Variants in PPARGC1A observed in about 807,000 individuals in gnomAD.
PPARGC1A encodes PPARG coactivator 1 alpha, also known as peroxisome proliferator-activated receptor gamma coactivator 1-alpha.
A neutral mutation model predicts 88.7 loss-of-function variants in PPARGC1A; 25 were observed. That is an observed-to-expected ratio of 0.28 (90% CI 0.21 to 0.39). The LOEUF (loss-of-function observed/expected upper bound fraction) is 0.39, where lower values mean the gene tolerates loss of function less well. Among genes scored for constraint, PPARGC1A ranks in the 10% least tolerant of loss-of-function variants. PPARGC1A has a pLI of 1.00. For synonymous variants in PPARGC1A, 363 were observed against 355.6 expected, an observed-to-expected ratio of 1.02 and a Z score of -0.24; for missense variants, 880 against 968.7, an observed-to-expected ratio of 0.91 and a Z score of 1.22.
the PPARGC1A span, among the ~76,000 whole-genome samples, chr4:24,304,807 A>G: frequency 6.6e-6 from 1 of 152,200 alleles, no homozygotes; most frequent in Non-Finnish European, 1.5e-5. Context: ...TAAGGAAGGT[A>G]TATATCTTAT....
chr4:24,187,906 T>C, the PPARGC1A span, among the ~76,000 whole-genome samples: 107 of 152,364 alleles, frequency 7.0e-4, 1 homozygote, highest in Admixed American at 3.7e-3. Context: ...GGATCTGATT[T>C]AGATATAGGA....
At chr4:24,424,118 G>T in the PPARGC1A span, among the ~76,000 whole-genome samples, 1 of 151,942 alleles carries the variant, frequency 6.6e-6, no homozygotes, top group African/African-American at 2.4e-5. Flanking sequence ...AAAATGTTTT[G>T]TAGAGTACGT....
intron 10 of PPARGC1A, among the ~76,000 whole-genome samples, chr4:23,811,769 A>G: frequency 6.6e-6 from 1 of 152,152 alleles, no homozygotes. Flanking sequence ...TGTCAAGTTA[A>G]TATAATACCC....
At chr4:24,197,039 G>A in the PPARGC1A span, among the ~76,000 whole-genome samples, 1 of 152,156 alleles carries the variant, frequency 6.6e-6, no homozygotes. Flanking sequence ...ACGGTGAAAG[G>A]TGCCTAGTCA....
chr4:24,321,524 G>A, the PPARGC1A span, among the ~76,000 whole-genome samples: 1 of 152,166 alleles, frequency 6.6e-6, no homozygotes, highest in African/African-American at 2.4e-5. Flanking sequence ...AGCAAAAAAG[G>A]ATGATACAAG....
the PPARGC1A span, among the ~76,000 whole-genome samples, chr4:24,000,742 G>T: frequency 3.3e-5 from 5 of 152,154 alleles, no homozygotes; most frequent in Admixed American, 1.3e-4. Context: ...CAGAAAGACT[G>T]CAGGATTTGA....
chr4:24,393,175 G>T, the PPARGC1A span, among the ~76,000 whole-genome samples: 1 of 152,098 alleles, frequency 6.6e-6, no homozygotes, highest in Non-Finnish European at 1.5e-5. Context: ...GTGCTACAAA[G>T]GCCTCAGTAA....
At chr4:24,243,142 C>T in the PPARGC1A span, among the ~76,000 whole-genome samples, 1 of 152,166 alleles carries the variant, frequency 6.6e-6, no homozygotes, top group African/African-American at 2.4e-5. Flanking sequence ...ACCTGGTTCA[C>T]CAGAACTGCT....
chr4:24,207,729 C>T, the PPARGC1A span, among the ~76,000 whole-genome samples: 1 of 152,146 alleles, frequency 6.6e-6, no homozygotes, highest in Non-Finnish European at 1.5e-5. Context: ...AGCCTCAAAA[C>T]TTATTGTTTT....
At chr4:24,079,453 G>A in the PPARGC1A span, among the ~76,000 whole-genome samples, 1 of 148,776 alleles carries the variant, frequency 6.7e-6, no homozygotes, top group Non-Finnish European at 1.5e-5. Context: ...TGTTTTCCTA[G>A]TGAAATGTGA....
chr4:23,940,305 A>G, the PPARGC1A span, among the ~76,000 whole-genome samples: 1 of 152,200 alleles, frequency 6.6e-6, no homozygotes, highest in African/African-American at 2.4e-5. Context: ...TATAACAGAG[A>G]ACTGTGGAAG....
At chr4:24,387,854 G>A in the PPARGC1A span, among the ~76,000 whole-genome samples, 51 of 129,768 alleles carry the variant, frequency 3.9e-4, no homozygotes, top group African/African-American at 1.1e-3. Flanking sequence ...GAGAGAAAGA[G>A]AGAAAGAGAG....
chr4:23,804,675 G>A (rs564140920), intron 10 of PPARGC1A, among the ~76,000 whole-genome samples: 9 of 152,110 alleles, frequency 5.9e-5, no homozygotes, highest in African/African-American at 1.4e-4. Context: ...CTCTTATATC[G>A]CATTCTTTCT....
At chr4:23,928,771 A>C in the PPARGC1A span, among the ~76,000 whole-genome samples, 371 of 2,298 alleles carry the variant, frequency 0.16, 11 homozygotes, top group African/African-American at 0.27. Flanking sequence ...CAAAAAAAAC[A>C]AAAAAAAACA....
chr4:24,254,373 A>G, the PPARGC1A span, among the ~76,000 whole-genome samples: 1 of 152,198 alleles, frequency 6.6e-6, no homozygotes, highest in African/African-American at 2.4e-5. Context: ...CTGTCTTTTC[A>G]GAGGCTCCAC....
the PPARGC1A span, among the ~76,000 whole-genome samples, chr4:24,317,229 C>A: frequency 6.6e-6 from 1 of 152,028 alleles, no homozygotes; most frequent in East Asian, 1.9e-4. Flanking sequence ...ACACTATATA[C>A]TGCAACCCTA....
the PPARGC1A span, among the ~76,000 whole-genome samples, chr4:24,144,216 G>C: frequency 6.6e-6 from 1 of 152,212 alleles, no homozygotes; most frequent in Non-Finnish European, 1.5e-5. Flanking sequence ...TTAGCAAATA[G>C]AATGGACAGA....
upstream of PPARGC1A, among the ~76,000 whole-genome samples, chr4:23,892,602 G>GT (rs1718020823): frequency 6.7e-6 from 1 of 149,906 alleles, no homozygotes; most frequent in Non-Finnish European, 1.5e-5. Flanking sequence ...ACCAACCTTG[G>GT]TTTTTTTCTG....
the PPARGC1A span, among the ~76,000 whole-genome samples, chr4:24,073,555 T>A: frequency 6.6e-6 from 1 of 152,112 alleles, no homozygotes; most frequent in African/African-American, 2.4e-5. Flanking sequence ...GCCAACAACA[T>A]GAGAAATGAC....
Sources: allele counts gnomAD v4.1 joint callset (sites outside exome capture counted in the v4.1 genomes callset), GRCh38; gene constraint gnomAD v4.1.1; transcripts MANE v1.5; gene names NCBI Gene and HGNC (gene_info 2026-07-23, HGNC 2026-07-21).